PCDHGC5: variants seen among roughly 807,000 people sequenced by gnomAD.
The protein encoded by PCDHGC5 is protocadherin gamma subfamily C, 5.
Under a neutral mutation model 59.0 loss-of-function variants are expected in PCDHGC5, and 25 were observed. The ratio of observed to expected loss-of-function variants is 0.42; its 90% CI spans 0.31 to 0.59. The LOEUF is 0.59. PCDHGC5 is among the 20% of genes least tolerant of loss of function. The pLI is 0.13. For synonymous variants in PCDHGC5, 434 were observed against 505.5 expected (o/e 0.86, Z 1.90); for missense variants, 1,067 against 1,206.4 (o/e 0.88, Z 1.71).
chr5:141,509,645 G>C (rs138497208), intron 3 of PCDHGC5, among the ~76,000 whole-genome samples: 8 of 152,338 alleles, frequency 5.3e-5, no homozygotes, highest in African/African-American at 1.9e-4. Context: ...GCCAGGGCCA[G>C]AGTGTGGACT....
At chr5:141,494,075 C>T (rs1482844644) in intron 1 of PCDHGC5, among the ~76,000 whole-genome samples, 7 of 152,322 alleles carry the variant, frequency 4.6e-5, no homozygotes, top group East Asian at 1.9e-4. Context: ...GATCCCTCCC[C>T]GCTGCATCCC....
At chr5:141,498,669 C>T (rs774292307) in intron 2 of PCDHGC5, among the ~76,000 whole-genome samples, 29 of 152,156 alleles carry the variant, frequency 1.9e-4, no homozygotes, top group African/African-American at 6.0e-4. Flanking sequence ...TGGTGGCTCA[C>T]GCCTGTAATC....
At chr5:141,497,956 C>T (rs2099780659) in intron 2 of PCDHGC5, among the ~76,000 whole-genome samples, 1 of 152,214 alleles carries the variant, frequency 6.6e-6, no homozygotes, top group African/African-American at 2.4e-5. Flanking sequence ...TTCTGTTGGC[C>T]AGGCAGTGTT....
At position 141,489,754 on chromosome 5, in the gene PCDHGC5, C is replaced by G; in HGVS notation, c.514C>G (p.Leu172Val). 1 of 1,614,110 alleles carries G rather than the reference C, an allele frequency of 6.2e-7. No homozygotes were observed. The highest frequency in any genetic ancestry group is 8.5e-7 in the Non-Finnish European group (1 of 1,179,972). ...CACCAATACTGTGAGCTTTTACACT[C>G]TAAGCCCCAACAGCCACTTCTCTCT... ...VGTNTVSFYT[L>V]SPNSHFSLNV... is the part of the protein sequence containing the mutation. Residue 172 changes from leucine to valine, a missense_variant, in exon 1 of 4, where the codon CTA (leucine) becomes GTA (valine). Physicochemically the swap from Leu to Val is conservative, Grantham distance 32. Coordinates refer to ENST00000252087, the MANE Select transcript of PCDHGC5 (RefSeq NM_018929.3). The surrounding 1 kb of genome is among the most constrained non-coding windows in gnomAD (Gnocchi z 4.5).
intron 2 of PCDHGC5, among the ~76,000 whole-genome samples, chr5:141,495,389 C>T (rs966648925): frequency 2.0e-5 from 3 of 152,204 alleles, no homozygotes; most frequent in African/African-American, 7.2e-5. Context: ...CTGGGCGGGG[C>T]ATGGAGCAGG....
chr5:141,495,465 G>A (rs563411010), intron 2 of PCDHGC5, among the ~76,000 whole-genome samples: 3 of 152,182 alleles, frequency 2.0e-5, no homozygotes, highest in Non-Finnish European at 2.9e-5. Context: ...TGTCTGTGGG[G>A]TCTCCGTGTC....
intron 1 of PCDHGC5, among the ~76,000 whole-genome samples, chr5:141,492,226 C>T (rs1365682179): frequency 6.6e-6 from 1 of 152,178 alleles, no homozygotes; most frequent in Non-Finnish European, 1.5e-5. Flanking sequence ...CATGCGTGTC[C>T]TCCCTGCTGG....
intron 2 of PCDHGC5, among the ~76,000 whole-genome samples, chr5:141,498,191 A>G (rs2099782212): frequency 6.6e-6 from 1 of 152,270 alleles, no homozygotes; most frequent in African/African-American, 2.4e-5. Flanking sequence ...CAAATTAACC[A>G]GCTAAAGAAA....
Position 141,489,091 on chromosome 5 carries a change from T to A in PCDHGC5, c.-150T>A. 1.9e-4 allele frequency: 63 copies of A among 332,802 alleles called. No individual in the cohort carries two copies. Among genetic ancestry groups the A allele is most frequent in the East Asian group, 2.9e-4 (6 of 20,542 alleles). The allele number at this position is 332,802 out of a possible 1,614,324, so 20.6% of individuals were successfully genotyped here. A position where few individuals can be genotyped will look rare whatever the true frequency, so the allele number is the denominator to read the frequency against. ...CTGCCCACCCCCGCCACTCGGTGAC[T>A]AAGAACTGCTGCAAGCAGGCAAACC... On this transcript the variant is annotated 5_prime_UTR_variant, in exon 1 of 4. Transcript: ENST00000252087. This position sits in a 1 kb window ranked among gnomAD's most constrained non-coding sequence, Gnocchi z 4.5.
At chr5:141,508,841 C>G (rs969875150) in intron 3 of PCDHGC5, among the ~76,000 whole-genome samples, 1 of 152,140 alleles carries the variant, frequency 6.6e-6, no homozygotes, top group Admixed American at 6.5e-5. Flanking sequence ...TCCCCTACCC[C>G]TTCCATTCCC....
chr5:141,491,379 A>G lies in PCDHGC5; in HGVS notation c.2139A>G (p.Ser713=), dbSNP rs140150079. 423 of 1,613,968 alleles carry G rather than the reference A, an allele frequency of 2.6e-4. No homozygotes were observed. Among genetic ancestry groups the G allele is most frequent in the Non-Finnish European group, 3.0e-4 (359 of 1,179,986 alleles). The change falls in exon 1 of 4, where the codon TCA becomes TCG. Residue 713 remains serine, a synonymous_variant. Transcript: ENST00000252087. The surrounding 1 kb of genome is among the most constrained non-coding windows in gnomAD (Gnocchi z 6.9). ...CCCTAGTCACCTTCACCTTTCTGTC[A>G]GCGAAGTGCCTTCAGGGAAACGCAG... ...LLSLVTFTFL[S]AKCLQGNADG...
At chr5:141,509,507 T>G (rs2099877110) in intron 3 of PCDHGC5, among the ~76,000 whole-genome samples, 1 of 151,792 alleles carries the variant, frequency 6.6e-6, no homozygotes, top group African/African-American at 2.4e-5. Flanking sequence ...GATGTGACGG[T>G]GTTGATGATG....
intron 2 of PCDHGC5, 88 bp from the exon 3 acceptor site, chr5:141,505,305 C>G (rs1363643214): frequency 1.0e-5 from 16 of 1,595,104 alleles, no homozygotes; most frequent in African/African-American, 2.7e-5. Flanking sequence ...GGTTAGGGTA[C>G]TAGGTTTGGG....
rs1562144438 is a variant in PCDHGC5, at chr5:141,491,135, G to T, written c.1895G>T (p.Arg632Leu). The T allele has an allele frequency of 6.2e-7, 1 of 1,613,986 alleles. No individual in the cohort carries two copies. Among genetic ancestry groups the T allele is most frequent in the Non-Finnish European group, 8.5e-7 (1 of 1,180,000 alleles). Residue 632 changes from arginine (R) to leucine (L), a missense_variant, in exon 1 of 4, where the codon CGG (arginine) becomes CTG (leucine). Arg to Leu is a moderately radical substitution (Grantham distance 102, BLOSUM62 -2). Transcript: ENST00000252087. This position sits in a 1 kb window ranked among gnomAD's most constrained non-coding sequence, Gnocchi z 6.9. ...CACACTGGTGAGGTGCGCACAGCCC[G>T]GGCCTTACTGGAGGATGACTCTGAC... The part of the protein sequence containing the change: ...STHTGEVRTA[R>L]ALLEDDSDTQ...
rs1161697588 is a variant in PCDHGC5, at chr5:141,491,464, T to C, written c.2224T>C (p.Tyr742His). 7 of 1,613,982 alleles carry C rather than the reference T, an allele frequency of 4.3e-6. No homozygotes were observed. In the African/African-American group the frequency reaches 9.3e-5, roughly 22 times the overall value. Residue 742 changes from tyrosine to histidine, a missense_variant, in exon 1 of 4, where the codon TAT becomes CAT. By Grantham distance (83) the Tyr-to-His change is moderately conservative. Transcript: ENST00000252087. This position sits in a 1 kb window ranked among gnomAD's most constrained non-coding sequence, Gnocchi z 6.9. ...CCAGGACTCACCCTCCCCGGACTTCTATAAGCAGTCCAGCCCCAACCTGCA... is the reference window on the plus strand; with the variant it reads ...CCAGGACTCACCCTCCCCGGACTTCCATAAGCAGTCCAGCCCCAACCTGCA... ...RRQDSPSPDF[Y>H]KQSSPNLQVS...
rs748828282 is a variant in PCDHGC5 at position 141,491,412 on chromosome 5, C to T, written c.2172C>T (p.Asp724=). The T allele has an allele frequency of 3.1e-6, 5 of 1,613,944 alleles. No homozygotes were observed. The African/African-American group carries it at 5.3e-5, about 17-fold the overall frequency. Reference sequence around the variant, plus strand: ...GCCTTCAGGGAAACGCAGACGGGGACGGGGGTGGAGGGCAGTGCTGCAGGC... The same window carrying T: ...GCCTTCAGGGAAACGCAGACGGGGATGGGGGTGGAGGGCAGTGCTGCAGGC... ...AKCLQGNADG[D]GGGGQCCRRQ... is the part of the protein sequence containing the mutation. Residue 724 remains aspartate, a synonymous_variant, in exon 1 of 4, where the codon GAC becomes GAT. Coordinates refer to ENST00000252087, the MANE Select transcript of PCDHGC5 (RefSeq NM_018929.3). The surrounding 1 kb of genome is among the most constrained non-coding windows in gnomAD (Gnocchi z 6.9).
intron 2 of PCDHGC5, among the ~76,000 whole-genome samples, chr5:141,500,421 G>A (rs1247202322): frequency 6.6e-6 from 1 of 151,852 alleles, no homozygotes; most frequent in Non-Finnish European, 1.5e-5. Flanking sequence ...GTGTTAGCCA[G>A]GATGGTCTCG....
chr5:141,500,051 C>A (rs991931153), intron 2 of PCDHGC5, among the ~76,000 whole-genome samples: 1 of 151,988 alleles, frequency 6.6e-6, no homozygotes, highest in Non-Finnish European at 1.5e-5. Context: ...TATCTTAATG[C>A]TCTTTTAATG....
In PCDHGC5 at chr5:141,511,098, T is replaced by G; in HGVS notation, c.2760T>G (p.Ala920=). 6.2e-7 allele frequency: 1 copy of G among 1,614,132 alleles called. No individual in the cohort carries two copies. The highest frequency in any genetic ancestry group is 8.5e-7 in the Non-Finnish European group (1 of 1,179,996). ...PGSNATLTNA[A]GKRDGKAPAG... is the part of the protein sequence containing the mutation. The stretch of plus-strand genomic sequence containing the variant: ...GCAATGCCACACTGACCAACGCAGC[T>G]GGCAAGCGGGATGGCAAGGCCCCAG... Residue 920 remains alanine, a synonymous_variant, in exon 4 of 4, where the codon GCT becomes GCG. Transcript: ENST00000252087.
Sources: allele counts gnomAD v4.1 joint callset (sites outside exome capture counted in the v4.1 genomes callset), GRCh38; gene constraint gnomAD v4.1.1; non-coding constraint Gnocchi (gnomAD v3.1); transcripts MANE v1.5; gene names NCBI Gene and HGNC (gene_info 2026-07-23, HGNC 2026-07-21).